ASPSCR1: variants seen among roughly 807,000 people sequenced by gnomAD.
ASPSCR1 encodes ASPSCR1 tether for SLC2A4, UBX domain containing.
In ASPSCR1, 55 loss-of-function variants were observed where a neutral mutation model predicts 68.9. The ratio of observed to expected loss-of-function variants is 0.80; its 90% CI spans 0.64 to 1.00. The LOEUF (loss-of-function observed/expected upper bound fraction) is 1.00, where lower values mean the gene tolerates loss of function less well. ASPSCR1 is among the 50% of genes least tolerant of loss of function. ASPSCR1 has a pLI of 0.00. For synonymous variants in ASPSCR1, 352 were observed against 332.6 expected, an observed-to-expected ratio of 1.06 and a Z score of -0.63; for missense variants, 765 against 762.2, an observed-to-expected ratio of 1.00 and a Z score of -0.04.
intron 5 of ASPSCR1, 109 bp from the exon 6 acceptor site, chr17:81,995,883 C>T: frequency 9.5e-7 from 1 of 1,051,268 alleles, no homozygotes; most frequent in Non-Finnish European, 1.4e-6. Context: ...GGATGGAGGC[C>T]AGAGAGGGCA....
rs748347591 is a variant in ASPSCR1 at position 81,996,540 on chromosome 17, C to T, written c.627C>T (p.Arg209=). Residue 209 remains arginine, a synonymous_variant, in exon 7 of 16, where the codon CGC becomes CGT. Coordinates refer to ENST00000306739, the MANE Select transcript of ASPSCR1 (RefSeq NM_024083.4). The part of the protein sequence containing the change: ...PLPLESGELS[R]GDLSRPEDAD... ...CCTTGGAATCTGGGGAGCTCAGCCG[C>T]GGCGACTTGAGCCGTCCGGAGGACG... 5.5e-5 allele frequency: 89 copies of T among 1,612,776 alleles called. No homozygotes were observed. The highest frequency in any genetic ancestry group is 6.9e-5 in the Non-Finnish European group (81 of 1,179,674).
At chr17:82,007,667 GA>G (rs1178735449) in intron 7 of ASPSCR1, 2 of 152,288 alleles carry the variant, frequency 1.3e-5, no homozygotes, top group Non-Finnish European at 2.9e-5. Flanking sequence ...CTCCTCCAGG[GA>G]GGCTCTGGAC....
At chr17:82,016,248 G>A (rs1316682508) in intron 12 of ASPSCR1, 1 of 569,898 alleles carries the variant, frequency 1.8e-6, no homozygotes, top group African/African-American at 1.9e-5. Context: ...AGCTGGCTTG[G>A]GGCTTGGGGT....
chr17:82,002,411 G>T (rs1489006948), intron 7 of ASPSCR1, among the ~76,000 whole-genome samples: 1 of 151,574 alleles, frequency 6.6e-6, no homozygotes, highest in African/African-American at 2.4e-5. Context: ...ACAGGTGTCT[G>T]CCACCTGTAA....
intron 3 of ASPSCR1, among the ~76,000 whole-genome samples, chr17:81,985,068 A>G (rs1193071949): frequency 7.8e-6 from 1 of 128,680 alleles, no homozygotes; most frequent in Non-Finnish European, 1.6e-5. Flanking sequence ...CCACGCACAC[A>G]CCTGTACACA....
chr17:81,995,205 G>T (rs919286885), intron 5 of ASPSCR1: 1 of 476,160 alleles, frequency 2.1e-6, no homozygotes, highest in Admixed American at 3.8e-5. Flanking sequence ...AAAGCCCGCC[G>T]TGGCGGGACC....
chr17:82,002,205 T>C (rs1159984499), intron 7 of ASPSCR1, among the ~76,000 whole-genome samples: 1 of 151,846 alleles, frequency 6.6e-6, no homozygotes. Flanking sequence ...AGTGATTTTT[T>C]TTTCTTATGA....
chr17:82,000,957 G>C (rs952735178), intron 7 of ASPSCR1, among the ~76,000 whole-genome samples: 7 of 152,260 alleles, frequency 4.6e-5, no homozygotes, highest in Non-Finnish European at 7.4e-5. Flanking sequence ...CTGATCAAAG[G>C]CTGGGTCTGC....
At chr17:82,014,982 G>T in intron 12 of ASPSCR1, 3 of 1,375,640 alleles carry the variant, frequency 2.2e-6, no homozygotes, top group Non-Finnish European at 2.9e-6. Flanking sequence ...CAGTGCTGGT[G>T]GGGAGAGGCC....
intron 7 of ASPSCR1, among the ~76,000 whole-genome samples, chr17:82,000,106 G>T (rs545347554): frequency 6.6e-6 from 1 of 152,244 alleles, no homozygotes; most frequent in African/African-American, 2.4e-5. Flanking sequence ...GGGTGAGCAG[G>T]GGCTGACCCC....
intron 11 of ASPSCR1, 68 bp from the exon 12 acceptor site, chr17:82,012,163 T>C (rs553517325): frequency 6.5e-7 from 1 of 1,545,988 alleles, no homozygotes; most frequent in African/African-American, 1.4e-5. Flanking sequence ...CAGGCCTGTC[T>C]TCCTTCGGGC....
Position 81,990,063 on chromosome 17 carries a change from CCA to C in ASPSCR1, c.374+4460_374+4461del, listed in dbSNP as rs2042111445. 6.6e-6 allele frequency among the ~76,000 whole-genome samples: 1 copy of C among 152,200 alleles called. No homozygotes were observed. Among genetic ancestry groups the C allele is most frequent in the African/African-American group, 2.4e-5 (1 of 41,458 alleles). ...GTGCTGAGATTACAGGCGTGAGCCA[CCA>C]CACCTGGCCAATCACTCACTTTTTC... On this transcript the variant is annotated intron_variant, in intron 4 of 15. Coordinates refer to ENST00000306739, the MANE Select transcript of ASPSCR1 (RefSeq NM_024083.4). The surrounding 1 kb of genome is among the most constrained non-coding windows in gnomAD (Gnocchi z 4.1).
At chr17:81,998,975 G>A (rs961087481) in intron 7 of ASPSCR1, among the ~76,000 whole-genome samples, 2 of 152,220 alleles carry the variant, frequency 1.3e-5, no homozygotes, top group Admixed American at 6.5e-5. Flanking sequence ...TGGGGACCTC[G>A]TGTCTGTGGG....
At position 82,009,675 on chromosome 17, in the gene ASPSCR1, T is replaced by C. The variant is rs12944078; in HGVS notation, c.1170+108T>C. On this transcript the variant is annotated intron_variant, in intron 9 of 15. Coordinates refer to ENST00000306739, the MANE Select transcript of ASPSCR1 (RefSeq NM_024083.4). ...GAGGCACAGCTCTGAGCGGGCCCCC[T>C]GTGAGGTCTGTGGACAGGACGTGGT... 267 of 395,554 alleles carry C rather than the reference T, an allele frequency of 6.8e-4. 1 individual carries two copies. The African/African-American group carries it at 0.02, about 30-fold the overall frequency. 24.5% of individuals were successfully genotyped at this position (395,554 alleles called of 1,614,324 possible). A position where few individuals can be genotyped will look rare whatever the true frequency, so the allele number is the denominator to read the frequency against.
intron 1 of ASPSCR1, chr17:81,978,308 G>A (rs1269360042): frequency 6.6e-6 from 1 of 152,210 alleles, no homozygotes; most frequent in Non-Finnish European, 1.5e-5. Flanking sequence ...GGATCACGAG[G>A]TCAAGAGATC....
chr17:82,008,760 C>G lies in ASPSCR1; in HGVS notation c.934-277C>G, dbSNP rs115950133. 6.9e-3 allele frequency: 2,630 copies of G among 379,252 alleles called. 44 individuals are homozygous for G. Among genetic ancestry groups the G allele is most frequent in the African/African-American group, 0.05 (2,386 of 47,834 alleles). The allele number at this position is 379,252 out of a possible 1,614,324, so 23.5% of individuals were successfully genotyped here. ...GAGCCAGACTCCAGGGGCCATGTGC[C>G]CTGCTGGGGAGCAGGGGCTCAGCAT... is the stretch of plus-strand genomic sequence containing the variant. On this transcript the variant is annotated intron_variant, in intron 7 of 15. Transcript: ENST00000306739.
intron 10 of ASPSCR1, 55 bp downstream of exon 10, chr17:82,010,923 T>A (rs2042916802): frequency 2.5e-6 from 4 of 1,578,888 alleles, no homozygotes; most frequent in African/African-American, 1.3e-5. Context: ...ATGGGGCCTC[T>A]CCCGGCTCCT....
Position 81,996,440 on chromosome 17 carries a change from AC to A in ASPSCR1, c.531del (p.Val178TrpfsTer35). 6.3e-7 allele frequency: 1 copy of A among 1,599,110 alleles called. No homozygotes were observed. The highest frequency in any genetic ancestry group is 1.3e-5 in the African/African-American group (1 of 74,274). On this transcript the variant is annotated frameshift_variant, in exon 7 of 16. Transcript: ENST00000306739. LOFTEE classifies it high-confidence loss of function. Reference sequence around the variant, plus strand: ...CTCAGGTTTGTCATGAAGTGCTACGACCCCGTGGGCAAGACCCCAGGAAGCC... The same window carrying A: ...CTCAGGTTTGTCATGAAGTGCTACGACCCGTGGGCAAGACCCCAGGAAGCC... ...ATIRFVMKCYDPVGKTPGSLG... is the reference protein window; with the variant it reads ...ATIRFVMKCYXPVGKTPGSLG...
chr17:81,996,123 CAAAGG>C, intron 6 of ASPSCR1, 58 bp downstream of exon 6: 3 of 1,506,628 alleles, frequency 2.0e-6, no homozygotes, highest in Non-Finnish European at 2.7e-6. Flanking sequence ...AAAGTGGTCT[CAAAGG>C]AAAGGAGAAA....
Sources: gnomAD v4.1 joint callset for allele counts (sites outside exome capture counted in the v4.1 genomes callset) on GRCh38, gnomAD v4.1.1 for gene constraint, Gnocchi (gnomAD v3.1) non-coding constraint, MANE v1.5 for transcripts, NCBI Gene and HGNC (gene_info 2026-07-23, HGNC 2026-07-21) for gene names.